The following CRYBG1 variants were observed in gnomAD, a reference collection of about 807,000 sequenced individuals.
CRYBG1 encodes beta/gamma crystallin domain-containing protein 1.
A neutral mutation model predicts 189.2 loss-of-function variants in CRYBG1; 139 were observed. The observed-to-expected ratio is 0.73, with a 90% CI of 0.64 to 0.85. The LOEUF is 0.85. Ranked by LOEUF, CRYBG1 falls within the 40% of genes least tolerant of loss-of-function variation. CRYBG1 has a pLI of 0.00. For missense variants in CRYBG1, 2,611 were observed against 2,675.8 expected, an observed-to-expected ratio of 0.98 and a Z score of 0.53; for synonymous variants, 1,023 against 1,017.1, an observed-to-expected ratio of 1.01 and a Z score of -0.11.
At position 106,512,441 on chromosome 6, in the gene CRYBG1, G is replaced by T. The variant is rs771272419; in HGVS notation, c.1324G>T (p.Ala442Ser). 6 of 1,610,310 alleles carry T rather than the reference G, an allele frequency of 3.7e-6. No homozygotes were observed. Among genetic ancestry groups the T allele is most frequent in the Non-Finnish European group, 5.1e-6 (6 of 1,178,856 alleles). ...GGACGCCGAGCTCCCTGAGAGCGCT[G>T]CCAGGGACGACGCGGTGTTCGACGA... ...GADAELPESA[A>S]RDDAVFDDEV... The change falls in exon 3 of 22, where the codon GCC becomes TCC. Residue 442 changes from alanine to serine, a missense_variant. Around this residue, in one of 3 missense-constraint regions of CRYBG1, gnomAD observed 985 missense variants for 924.4 expected, o/e 1.07. Coordinates refer to ENST00000633556, the MANE Select transcript of CRYBG1 (RefSeq NM_001371242.2).
chr6:106,528,188 C>T (rs981706447), intron 7 of CRYBG1, among the ~76,000 whole-genome samples: 7 of 152,254 alleles, frequency 4.6e-5, no homozygotes, highest in Admixed American at 3.9e-4. Flanking sequence ...AGGAAAGCAT[C>T]GCTTACTTCC....
chr6:106,559,676 C>T (rs1390515495), intron 18 of CRYBG1, among the ~76,000 whole-genome samples: 1 of 152,076 alleles, frequency 6.6e-6, no homozygotes, highest in African/African-American at 2.4e-5. Flanking sequence ...ATCCCAGCTA[C>T]TCAGGAGGCT....
At chr6:106,557,401 T>A (rs909100522) in intron 17 of CRYBG1, among the ~76,000 whole-genome samples, 1 of 100,880 alleles carries the variant, frequency 9.9e-6, no homozygotes, top group Non-Finnish European at 2.0e-5. Context: ...AATCCCCACA[T>A]GCTTTTATTT....
intron 2 of CRYBG1, among the ~76,000 whole-genome samples, chr6:106,458,826 A>C (rs1292668480): frequency 6.6e-6 from 1 of 152,146 alleles, no homozygotes; most frequent in African/African-American, 2.4e-5. Flanking sequence ...GCAGGTGAAC[A>C]CAGAGCACAG....
chr6:106,547,212 A>ACACACACC (rs1554191201), intron 13 of CRYBG1, among the ~76,000 whole-genome samples: 644 of 60,296 alleles, frequency 0.011, 6 homozygotes, highest in African/African-American at 0.022. Flanking sequence ...ACACACACAC[A>ACACACACC]CCACTTCCTT....
intron 1 of CRYBG1, among the ~76,000 whole-genome samples, chr6:106,405,200 A>AG (rs1335747627): frequency 6.6e-6 from 1 of 152,174 alleles, no homozygotes; most frequent in African/African-American, 2.4e-5. Flanking sequence ...TGGTGGGGGT[A>AG]GGGGCGTCCA....
intron 1 of CRYBG1, among the ~76,000 whole-genome samples, chr6:106,410,947 A>G (rs1489934105): frequency 6.6e-6 from 1 of 152,190 alleles, no homozygotes; most frequent in African/African-American, 2.4e-5. Flanking sequence ...ACCATGGCAC[A>G]TGTATAATGC....
chr6:106,479,945 C>A (rs1299213348), intron 2 of CRYBG1, among the ~76,000 whole-genome samples: 1 of 151,140 alleles, frequency 6.6e-6, no homozygotes, highest in South Asian at 2.1e-4. Flanking sequence ...ATTTTTTTTT[C>A]AGGTTGGTTG....
chr6:106,517,441 T>TATATATACAC (rs1562099241), intron 3 of CRYBG1, among the ~76,000 whole-genome samples: 10 of 145,280 alleles, frequency 6.9e-5, no homozygotes, highest in African/African-American at 2.4e-4. Flanking sequence ...CACACACACA[T>TATATATACAC]ATATATACAC....
At chr6:106,552,087 A>AT in intron 14 of CRYBG1, 97 bp from the exon 15 acceptor site, 1 of 1,447,382 alleles carries the variant, frequency 6.9e-7, no homozygotes, top group Non-Finnish European at 9.5e-7. Flanking sequence ...TTCTGAGTTT[A>AT]TTTTTAGCAG....
intron 8 of CRYBG1, 143 bp downstream of exon 8, chr6:106,530,458 G>T: frequency 1.4e-6 from 1 of 729,176 alleles, no homozygotes; most frequent in Non-Finnish European, 2.1e-6. Flanking sequence ...TATAAGGCAC[G>T]TAAAATTCTG....
intron 1 of CRYBG1, among the ~76,000 whole-genome samples, chr6:106,440,512 C>T (rs1382803233): frequency 6.6e-6 from 1 of 152,210 alleles, no homozygotes; most frequent in East Asian, 1.9e-4. Flanking sequence ...AGCGATCCAC[C>T]TGCCTCAGCC....
chr6:106,443,814 G>C (rs771890720), intron 1 of CRYBG1, among the ~76,000 whole-genome samples: 7 of 151,952 alleles, frequency 4.6e-5, no homozygotes, highest in African/African-American at 7.3e-5. Flanking sequence ...ATTGCATCAG[G>C]GTAAATGGGG....
chr6:106,486,109 CTT>C (rs2114486968), intron 2 of CRYBG1, among the ~76,000 whole-genome samples: 1 of 152,204 alleles, frequency 6.6e-6, no homozygotes, highest in East Asian at 1.9e-4. Context: ...ATGAACTTCC[CTT>C]TTAGAACTGC....
intron 1 of CRYBG1, among the ~76,000 whole-genome samples, chr6:106,430,251 C>T (rs947214307): frequency 4.6e-5 from 7 of 152,002 alleles, no homozygotes; most frequent in South Asian, 2.1e-4. Flanking sequence ...GGCAACGTAG[C>T]GAAACCCCCA....
intron 2 of CRYBG1, among the ~76,000 whole-genome samples, chr6:106,505,765 C>T (rs759226428): frequency 2.0e-5 from 3 of 150,922 alleles, no homozygotes; most frequent in African/African-American, 4.9e-5. Flanking sequence ...AAAAAAGTTG[C>T]TCACTAGCAC....
In CRYBG1 at chr6:106,541,398, G is replaced by A. The variant is rs1156778790; in HGVS notation, c.4846-188G>A. On this transcript the variant is annotated intron_variant, in intron 9 of 21. Coordinates refer to ENST00000633556, the MANE Select transcript of CRYBG1 (RefSeq NM_001371242.2). ...TTATAGACTGCTTGTGCGAGGCTCC[G>A]TTCTAGCCTGCCTTCCTCGTGTCTT... is the stretch of plus-strand genomic sequence containing the variant. 23 of 685,664 alleles carry A rather than the reference G, an allele frequency of 3.4e-5. No individual in the cohort carries two copies. The East Asian group carries it at 3.8e-4, about 11-fold the overall frequency. 42.5% of individuals were successfully genotyped at this position (685,664 alleles called of 1,614,324 possible). A position where few individuals can be genotyped will look rare whatever the true frequency, so the allele number is the denominator to read the frequency against.
chr6:106,519,086 T>C, intron 3 of CRYBG1, 45 bp from the exon 4 acceptor site: 2 of 1,551,428 alleles, frequency 1.3e-6, no homozygotes, highest in African/African-American at 1.4e-5. Flanking sequence ...TGTTCACTTT[T>C]TAAAACTAGG....
At chr6:106,427,546 A>T (rs1771248703) in intron 1 of CRYBG1, among the ~76,000 whole-genome samples, 1 of 152,162 alleles carries the variant, frequency 6.6e-6, no homozygotes, top group Non-Finnish European at 1.5e-5. Context: ...CTATCATCTT[A>T]GTCCATTCTT....
Sources: allele counts gnomAD v4.1 joint callset (sites outside exome capture counted in the v4.1 genomes callset), GRCh38; gene constraint gnomAD v4.1.1; regional missense constraint gnomAD v4.1.1; transcripts MANE v1.5; gene names NCBI Gene and HGNC (gene_info 2026-07-23, HGNC 2026-07-21).